Variants in COLEC12 observed in about 807,000 individuals in gnomAD.
COLEC12 encodes collectin subfamily member 12, also known as collectin-12.
COLEC12 carries 33 observed loss-of-function variants against 71.1 expected under a neutral mutation model. That is an observed-to-expected ratio of 0.46 (90% confidence interval 0.35 to 0.62). The LOEUF is 0.62. Among genes scored for constraint, COLEC12 ranks in the 20% least tolerant of loss-of-function variants. The pLI is 0.00. For missense variants in COLEC12, 765 were observed against 916.1 expected, an observed-to-expected ratio of 0.84 and a Z score of 2.13; for synonymous variants, 350 against 353.0, an observed-to-expected ratio of 0.99 and a Z score of 0.10.
chr18:368,635 T>A (rs185822550), intron 2 of COLEC12, among the ~76,000 whole-genome samples: 1 of 151,500 alleles, frequency 6.6e-6, no homozygotes, highest in Non-Finnish European at 1.5e-5. Context: ...GAGGCCAAGG[T>A]GGGCGGATCA....
At chr18:420,853 T>C (rs1228830059) in intron 2 of COLEC12, among the ~76,000 whole-genome samples, 1 of 148,032 alleles carries the variant, frequency 6.8e-6, no homozygotes, top group African/African-American at 2.5e-5. Flanking sequence ...ATGCCTTTGT[T>C]ATGCAAACTA....
At position 500,443 on chromosome 18, in the gene COLEC12, G is replaced by GGGCC; in HGVS notation, c.7+64_7+65insGGCC. 4 of 954,896 alleles carry GGGCC rather than the reference G, an allele frequency of 4.2e-6. No individual in the cohort carries two copies. Among genetic ancestry groups the GGGCC allele is most frequent in the African/African-American group, 1.8e-5 (1 of 55,436 alleles). 59.2% of individuals were successfully genotyped at this position (954,896 alleles called of 1,614,324 possible). A position where few individuals can be genotyped will look rare whatever the true frequency, so the allele number is the denominator to read the frequency against. ...GGTTCGCGCGGGAGGCACCTCCGTG[G>GGGCC]CCTCCCGCGCGCCCCGAAGCCCGTT... On this transcript the variant is annotated intron_variant, in intron 1 of 9. Transcript: ENST00000400256. This position sits in a 1 kb window ranked among gnomAD's most constrained non-coding sequence, Gnocchi z 5.3.
At chr18:434,936 C>A (rs1480315950) in intron 2 of COLEC12, among the ~76,000 whole-genome samples, 2 of 152,194 alleles carry the variant, frequency 1.3e-5, no homozygotes, top group Non-Finnish European at 2.9e-5. Flanking sequence ...AAGTGCCCCA[C>A]CTCGAGGCCA....
chr18:442,512 C>T (rs1916562450), intron 2 of COLEC12, among the ~76,000 whole-genome samples: 2 of 152,240 alleles, frequency 1.3e-5, no homozygotes, highest in African/African-American at 4.8e-5. Flanking sequence ...TATTTCTGCC[C>T]ATTGCTCTCT....
chr18:413,039 A>G (rs1000085093), intron 2 of COLEC12, among the ~76,000 whole-genome samples: 3 of 152,254 alleles, frequency 2.0e-5, no homozygotes, highest in Non-Finnish European at 4.4e-5. Flanking sequence ...TGACTCAATT[A>G]TACGCTGTCT....
chr18:404,209 G>A (rs1458178361), intron 2 of COLEC12, among the ~76,000 whole-genome samples: 1 of 151,972 alleles, frequency 6.6e-6, no homozygotes, highest in African/African-American at 2.4e-5. Context: ...AATTCCTGTG[G>A]CTTGGTTTGT....
At position 403,519 on chromosome 18, in the gene COLEC12, A is replaced by G. The variant is rs572372630; in HGVS notation, c.59-45997T>C. On this transcript the variant is annotated intron_variant, in intron 2 of 9. Coordinates refer to ENST00000400256, the MANE Select transcript of COLEC12 (RefSeq NM_130386.3). ...AACACTACACATTGTTATTCACGAC[A>G]GAAGAGCGTGTGAGACAACGTGTGT... Among the ~76,000 whole-genome samples, 85 of 152,356 alleles carry G rather than the reference A, an allele frequency of 5.6e-4. 1 individual carries two copies. In the South Asian group the frequency reaches 0.017, roughly 31 times the overall value.
intron 2 of COLEC12, among the ~76,000 whole-genome samples, chr18:375,325 G>A (rs972374041): frequency 1.3e-5 from 2 of 152,158 alleles, no homozygotes; most frequent in Non-Finnish European, 2.9e-5. Flanking sequence ...TGCATGGGCC[G>A]TTTCCTCTGC....
intron 2 of COLEC12, among the ~76,000 whole-genome samples, chr18:380,614 C>A (rs1915210255): frequency 6.6e-6 from 1 of 152,176 alleles, no homozygotes; most frequent in Non-Finnish European, 1.5e-5. Flanking sequence ...CACACTCACA[C>A]ACACACGCTT....
chr18:448,381 AC>A (rs2143708186), intron 2 of COLEC12, among the ~76,000 whole-genome samples: 1 of 152,346 alleles, frequency 6.6e-6, no homozygotes, highest in Admixed American at 6.5e-5. Context: ...TAAAAACAGG[AC>A]CCTTGACTTA....
At chr18:421,278 A>G (rs2621180) in intron 2 of COLEC12, among the ~76,000 whole-genome samples, 103,305 of 152,020 alleles carry the variant, frequency 0.68, 36,035 homozygotes, top group East Asian at 1. Context: ...ATGGCAAAAA[A>G]TGTATAAAGG....
intron 5 of COLEC12, among the ~76,000 whole-genome samples, chr18:339,133 T>G (rs1322885697): frequency 2.0e-5 from 3 of 152,192 alleles, no homozygotes; most frequent in Admixed American, 2.0e-4. Context: ...TCAGACAGAC[T>G]GCTGGTGGGG....
intron 2 of COLEC12, among the ~76,000 whole-genome samples, chr18:377,463 G>A (rs1214060091): frequency 6.6e-6 from 1 of 152,170 alleles, no homozygotes; most frequent in African/African-American, 2.4e-5. Context: ...CCAGTTACAG[G>A]CGTATCCCCT....
intron 2 of COLEC12, among the ~76,000 whole-genome samples, chr18:431,954 G>A (rs1205806404): frequency 6.6e-6 from 1 of 152,158 alleles, no homozygotes; most frequent in Non-Finnish European, 1.5e-5. Context: ...ATTATCTAGA[G>A]AGGTTAAATA....
chr18:436,030 G>A (rs1220313084), intron 2 of COLEC12, among the ~76,000 whole-genome samples: 1 of 152,174 alleles, frequency 6.6e-6, no homozygotes, highest in East Asian at 1.9e-4. Flanking sequence ...TGTGACTAAT[G>A]GGCATAGTAT....
At chr18:357,632 C>T in intron 2 of COLEC12, 110 bp from the exon 3 acceptor site, 1 of 820,098 alleles carries the variant, frequency 1.2e-6, no homozygotes, top group Non-Finnish European at 1.9e-6. Flanking sequence ...TTACAAATGC[C>T]TTACTATACT....
chr18:418,895 A>C (rs1440332671), intron 2 of COLEC12, among the ~76,000 whole-genome samples: 4 of 152,154 alleles, frequency 2.6e-5, no homozygotes, highest in Non-Finnish European at 5.9e-5. Flanking sequence ...ATTTGCTTTC[A>C]CTTTACACTG....
chr18:430,691 A>G lies in COLEC12; in HGVS notation c.58+50016T>C, dbSNP rs538947291. 8.5e-5 allele frequency among the ~76,000 whole-genome samples: 13 copies of G among 152,312 alleles called. No individual in the cohort carries two copies. The East Asian group carries it at 2.3e-3, about 27-fold the overall frequency. On this transcript the variant is annotated intron_variant, in intron 2 of 9. Transcript: ENST00000400256. ...TTTATTTTCAACCTACTTTTCTTTC[A>G]CCACAATCATCATACAGACATCCAG...
At chr18:403,854 T>C (rs770502304) in intron 2 of COLEC12, among the ~76,000 whole-genome samples, 1 of 152,226 alleles carries the variant, frequency 6.6e-6, no homozygotes, top group Non-Finnish European at 1.5e-5. Flanking sequence ...GGAAGAGGGA[T>C]GTCTTGCCAT....
Sources: allele counts gnomAD v4.1 joint callset (sites outside exome capture counted in the v4.1 genomes callset), GRCh38; gene constraint gnomAD v4.1.1; non-coding constraint Gnocchi (gnomAD v3.1); transcripts MANE v1.5; gene names NCBI Gene and HGNC (gene_info 2026-07-23, HGNC 2026-07-21).